The following ZC3H13 variants were observed in gnomAD, a reference collection of about 807,000 sequenced individuals.
The protein encoded by ZC3H13 is zinc finger CCCH-type containing 13, also known as zinc finger CCCH domain-containing protein 13.
In ZC3H13, 64 loss-of-function variants were observed where a neutral mutation model predicts 204.1. That is an observed-to-expected ratio of 0.31 (90% confidence interval 0.26 to 0.39). The LOEUF is 0.39. Among genes scored for constraint, ZC3H13 ranks in the 10% least tolerant of loss-of-function variants. The probability of loss-of-function intolerance (pLI) is 1.00; values close to 1 mark genes in which losing one functional copy is unlikely to be tolerated. For synonymous variants in ZC3H13, 667 were observed against 693.7 expected (o/e 0.96, Z 0.60); for missense variants, 1,833 against 2,082.7 (o/e 0.88, Z 2.33).
At chr13:46,041,868 T>TA (rs2043609520) in intron 4 of ZC3H13, among the ~76,000 whole-genome samples, 1 of 152,098 alleles carries the variant, frequency 6.6e-6, no homozygotes, top group Admixed American at 6.6e-5. Flanking sequence ...TCTGAAAACT[T>TA]AAAGATACTC....
chr13:46,019,738 C>A (rs1204457208), intron 5 of ZC3H13, among the ~76,000 whole-genome samples: 1 of 152,100 alleles, frequency 6.6e-6, no homozygotes, highest in African/African-American at 2.4e-5. Context: ...CATGCACCAC[C>A]ATGTCAGGCT....
At chr13:46,022,782 C>CAGT (rs1417867368) in intron 4 of ZC3H13, among the ~76,000 whole-genome samples, 1 of 150,990 alleles carries the variant, frequency 6.6e-6, no homozygotes, top group African/African-American at 2.4e-5. Flanking sequence ...GAGTCTGGAA[C>CAGT]AGTAGCCTGT....
chr13:46,003,377 C>A (rs1333632969), intron 7 of ZC3H13, 41 bp from the exon 8 acceptor site: 1 of 1,557,692 alleles, frequency 6.4e-7, no homozygotes, highest in South Asian at 1.2e-5. Flanking sequence ...TTCAAATATG[C>A]CAAAAGGATA....
Position 45,957,206 on chromosome 13 carries a change from C to G in ZC3H13, c.4931G>C (p.Cys1644Ser), listed in dbSNP as rs1951320510. 1.3e-6 allele frequency: 2 copies of G among 1,548,792 alleles called. No homozygotes were observed. The highest frequency in any genetic ancestry group is 1.7e-6 in the Non-Finnish European group (2 of 1,146,124). Reference protein sequence around the residue: ...SLRLFKRKTTCHAPGHEKTED... With the variant: ...SLRLFKRKTTSHAPGHEKTED... ...AGTCTTTTCATGTCCTGGAGCATGG[C>G]AAGTAGTCTTCCGCTTAAATAACCG... The change falls in exon 19 of 19, where the codon TGC becomes TCC. Residue 1644 changes from cysteine to serine, a missense_variant. Physicochemically the swap from Cys to Ser is moderately radical, Grantham distance 112. Transcript: ENST00000679008.
At chr13:45,996,196 A>G (rs2040324225) in intron 8 of ZC3H13, among the ~76,000 whole-genome samples, 2 of 152,240 alleles carry the variant, frequency 1.3e-5, no homozygotes, top group African/African-American at 4.8e-5. Flanking sequence ...ATATACTAAT[A>G]TAAGTGAGTA....
intron 18 of ZC3H13, among the ~76,000 whole-genome samples, chr13:45,958,694 C>G (rs967957148): frequency 3.7e-5 from 5 of 134,926 alleles, no homozygotes; most frequent in Admixed American, 8.5e-5. Context: ...CTTGCTTTGT[C>G]GCCCAGGCTG....
At chr13:46,022,109 CAATA>C (rs1005809361) in intron 4 of ZC3H13, among the ~76,000 whole-genome samples, 2 of 151,734 alleles carry the variant, frequency 1.3e-5, no homozygotes, top group African/African-American at 4.8e-5. Flanking sequence ...AATGTTGTAT[CAATA>C]AATGTCATTA....
At chr13:46,011,935 T>C (rs543575559) in intron 5 of ZC3H13, among the ~76,000 whole-genome samples, 2 of 152,340 alleles carry the variant, frequency 1.3e-5, no homozygotes, top group African/African-American at 2.4e-5. Flanking sequence ...CATTATCTCC[T>C]TGATTTTCCT....
chr13:45,996,948 G>A (rs2040383085), intron 8 of ZC3H13, among the ~76,000 whole-genome samples: 2 of 152,180 alleles, frequency 1.3e-5, no homozygotes, highest in African/African-American at 4.8e-5. Flanking sequence ...CATCTACTGG[G>A]GGTCTTGGAA....
intron 4 of ZC3H13, among the ~76,000 whole-genome samples, chr13:46,039,097 G>T (rs2043396938): frequency 6.6e-6 from 1 of 152,142 alleles, no homozygotes; most frequent in Non-Finnish European, 1.5e-5. Context: ...TTTAGATAGT[G>T]TATTACCTAA....
In ZC3H13 at chr13:45,979,972, T is replaced by C. The variant is rs1431176677; in HGVS notation, c.1753A>G (p.Ser585Gly). ...SRGSRGSQID[S>G]HSSNSNYHDS... is the part of the protein sequence containing the mutation. ...TGATAGTTGCTATTACTACTGTGAC[T>C]ATCAATTTGAGAACCTCTTGAGCCT... is the stretch of plus-strand genomic sequence containing the variant. Residue 585 changes from serine (S) to glycine (G), a missense_variant, in exon 11 of 19, where the codon AGT becomes GGT. Around this residue, in one of 5 missense-constraint regions of ZC3H13, gnomAD observed 1,574 missense variants for 1,757.2 expected, o/e 0.90. Transcript: ENST00000679008. The C allele has an allele frequency of 6.2e-7, 1 of 1,607,428 alleles. No homozygotes were observed. The highest frequency in any genetic ancestry group is 8.5e-7 in the Non-Finnish European group (1 of 1,177,574).
At chr13:46,035,525 T>C (rs960632510) in intron 4 of ZC3H13, among the ~76,000 whole-genome samples, 1 of 152,196 alleles carries the variant, frequency 6.6e-6, no homozygotes, top group Non-Finnish European at 1.5e-5. Flanking sequence ...CCGTACTACA[T>C]ATTCATTACC....
chr13:46,049,682 C>T (rs1163369488), intron 1 of ZC3H13, among the ~76,000 whole-genome samples: 1 of 152,012 alleles, frequency 6.6e-6, no homozygotes, highest in African/African-American at 2.4e-5. Flanking sequence ...CTATTTAAAA[C>T]TTTGGGCCCG....
intron 3 of ZC3H13, among the ~76,000 whole-genome samples, chr13:46,044,150 AC>A (rs1449273298): frequency 6.7e-6 from 1 of 149,640 alleles, no homozygotes; most frequent in Non-Finnish European, 1.5e-5. Context: ...CCCATACACT[AC>A]CCCCAAAAAA....
In ZC3H13 at chr13:45,967,648, T is replaced by G. The variant is rs1239921756; in HGVS notation, c.4177A>C (p.Lys1393Gln). Reference sequence around the variant, plus strand: ...TCCCTTTCATGTTCACCTTCCAGTTTTGCTTCACAGCGTTTCACAGACTCT... The same window carrying G: ...TCCCTTTCATGTTCACCTTCCAGTTGTGCTTCACAGCGTTTCACAGACTCT... ...QIESVKRCEA[K>Q]LEGEHERDLE... Residue 1393 changes from lysine to glutamine, a missense_variant, in exon 15 of 19, where the codon AAA becomes CAA. By Grantham distance (53) the Lys-to-Gln change is moderately conservative (BLOSUM62 1). Transcript: ENST00000679008. The G allele has an allele frequency of 6.2e-7, 1 of 1,614,138 alleles. No individual in the cohort carries two copies. Among genetic ancestry groups the G allele is most frequent in the Admixed American group, 1.7e-5 (1 of 60,018 alleles).
chr13:46,017,035 T>C (rs1267180384), intron 5 of ZC3H13, among the ~76,000 whole-genome samples: 1 of 152,038 alleles, frequency 6.6e-6, no homozygotes, highest in Non-Finnish European at 1.5e-5. Context: ...GCCCTTAAGA[T>C]ACATAACTCA....
intron 4 of ZC3H13, among the ~76,000 whole-genome samples, chr13:46,033,314 TAATAGACAGATTTAAC>T (rs1362579062): frequency 6.6e-6 from 1 of 152,126 alleles, no homozygotes; most frequent in Middle Eastern, 3.2e-3. Flanking sequence ...TATATATTCC[TAATAGACAGATTTAAC>T]AATATTATCT....
intron 5 of ZC3H13, among the ~76,000 whole-genome samples, chr13:46,019,107 T>C (rs930925076): frequency 6.6e-6 from 1 of 152,180 alleles, no homozygotes. Flanking sequence ...TTAACAGCAC[T>C]GTCCAAAGAT....
At chr13:45,968,564 A>G (rs1454306504) in intron 14 of ZC3H13, among the ~76,000 whole-genome samples, 184 bp downstream of exon 14, 3 of 152,148 alleles carry the variant, frequency 2.0e-5, no homozygotes, top group Non-Finnish European at 4.4e-5. Flanking sequence ...TTTCTATTAT[A>G]ATGTTGGTAT....
Sources: gnomAD v4.1 joint callset for allele counts (sites outside exome capture counted in the v4.1 genomes callset) on GRCh38, gnomAD v4.1.1 for gene constraint, gnomAD v4.1.1 regional missense constraint, MANE v1.5 for transcripts, NCBI Gene and HGNC (gene_info 2026-07-23, HGNC 2026-07-21) for gene names.